LDB3: variants seen among roughly 807,000 people sequenced by gnomAD.
LDB3 encodes the protein LIM domain binding 3, also known as LIM domain-binding protein 3.
LDB3 carries 49 observed loss-of-function variants against 69.0 expected under a neutral mutation model. The ratio of observed to expected loss-of-function variants is 0.71; its 90% CI spans 0.56 to 0.90. The LOEUF (loss-of-function observed/expected upper bound fraction) is 0.90. LDB3 is among the 40% of genes least tolerant of loss of function. The probability of loss-of-function intolerance (pLI) is 0.00; values close to 1 mark genes in which losing one functional copy is unlikely to be tolerated. For synonymous variants in LDB3, 387 were observed against 396.2 expected (o/e 0.98, Z 0.28); for missense variants, 928 against 974.1 (o/e 0.95, Z 0.63).
At chr10:86,718,971 A>G (rs1418918516) in intron 12 of LDB3, 124 bp downstream of exon 12, 2 of 1,280,816 alleles carry the variant, frequency 1.6e-6, no homozygotes, top group Admixed American at 2.6e-5. Context: ...TTTCTGGAAG[A>G]AACCTTTGTT....
intron 8 of LDB3, among the ~76,000 whole-genome samples, chr10:86,707,762 G>A (rs1241864080): frequency 2.0e-5 from 3 of 152,136 alleles, no homozygotes; most frequent in Non-Finnish European, 2.9e-5. Flanking sequence ...CCCCCATCCC[G>A]GGCTTCACAT....
chr10:86,725,107 T>C (rs1453874331), intron 12 of LDB3, among the ~76,000 whole-genome samples: 1 of 152,248 alleles, frequency 6.6e-6, no homozygotes, highest in Non-Finnish European at 1.5e-5. Flanking sequence ...GGAAGAGTTA[T>C]GGAGGAATGC....
rs1349848176 is a variant in LDB3 at position 86,706,580 on chromosome 10, C to A, written c.946C>A (p.Leu316Met). The A allele has an allele frequency of 1.2e-6, 2 of 1,613,080 alleles. No homozygotes were observed. Among genetic ancestry groups the A allele is most frequent in the African/African-American group, 1.3e-5 (1 of 74,936 alleles). The change falls in exon 8 of 14, where the codon CTG (leucine) becomes ATG (methionine). Residue 316 changes from leucine (L) to methionine (M), a missense_variant. Coordinates refer to ENST00000361373, the MANE Select transcript of LDB3 (RefSeq NM_007078.3). ...GTGCACCAGCCAGGCCACCACCCCG[C>A]TGCTGCCCGCTTCTGCCCAGCCACC... ...PVCTSQATTPLLPASAQPPAA... is the reference protein window; with the variant it reads ...PVCTSQATTPMLPASAQPPAA...
chr10:86,691,616 G>A (rs1337155088), intron 5 of LDB3, among the ~76,000 whole-genome samples: 2 of 152,150 alleles, frequency 1.3e-5, no homozygotes, highest in South Asian at 2.1e-4. Context: ...GGGTGGAAAT[G>A]TCTCCGGCCT....
At chr10:86,668,442 T>C, upstream of LDB3, 2 of 573,964 alleles carry the variant, frequency 3.5e-6, no homozygotes, top group Non-Finnish European at 6.4e-6. Flanking sequence ...AGGCACAGTG[T>C]AGGGTTACAG....
Position 86,687,088 on chromosome 10 carries a change from T to A in LDB3, c.690-4808T>A, listed in dbSNP as rs1845520743. The A allele has an allele frequency of 3.7e-6, 6 of 1,614,042 alleles. No individual in the cohort carries two copies. The highest frequency in any genetic ancestry group is 5.1e-6 in the Non-Finnish European group (6 of 1,179,974). ...CCCCAGCGCCGACTACCAGGAACGC[T>A]TCAACCCCAGTGCCCTGAAGGACTC... On this transcript the variant is annotated intron_variant, in intron 5 of 13. Transcript: ENST00000361373.
chr10:86,691,770 G>T lies in LDB3; in HGVS notation c.690-126G>T, dbSNP rs1845773281. 3 of 1,084,346 alleles carry T rather than the reference G, an allele frequency of 2.8e-6. No homozygotes were observed. The Admixed American group carries it at 5.1e-5, about 18-fold the overall frequency. The allele number at this position is 1,084,346 out of a possible 1,614,324, so 67.2% of individuals were successfully genotyped here. ...TGCCCATATCTCAGGTTCTCAGACA[G>T]CAATGGATAAAGGCAAGGTGGGGAC... On this transcript the variant is annotated intron_variant, in intron 5 of 13. Coordinates refer to ENST00000361373, the MANE Select transcript of LDB3 (RefSeq NM_007078.3).
chr10:86,724,705 A>G (rs750300901), intron 12 of LDB3, among the ~76,000 whole-genome samples: 2 of 152,184 alleles, frequency 1.3e-5, no homozygotes, highest in Non-Finnish European at 2.9e-5. Flanking sequence ...AGGATTAAAC[A>G]GGAGGCATAA....
chr10:86,692,947 T>C (rs1344067120), intron 7 of LDB3, among the ~76,000 whole-genome samples: 2 of 152,222 alleles, frequency 1.3e-5, no homozygotes, highest in African/African-American at 4.8e-5. Flanking sequence ...TGTCCCCCTA[T>C]GATTCCGAAG....
intron 2 of LDB3, among the ~76,000 whole-genome samples, chr10:86,669,599 C>G (rs10887640): frequency 0.18 from 27,187 of 152,204 alleles, 2,696 homozygotes; most frequent in East Asian, 0.43. Flanking sequence ...GATGGGGGAA[C>G]AGCCCCCAGA....
intron 5 of LDB3, among the ~76,000 whole-genome samples, chr10:86,688,801 CACTA>C (rs1357354947): frequency 1.3e-5 from 2 of 152,176 alleles, no homozygotes; most frequent in Non-Finnish European, 2.9e-5. Context: ...AAATGCTCTT[CACTA>C]ACTTTCTGTT....
chr10:86,699,304 G>T lies in LDB3; in HGVS notation c.896+6733G>T, dbSNP rs1846153128. The T allele has an allele frequency of 6.2e-7, 1 of 1,613,338 alleles. No individual in the cohort carries two copies. Among genetic ancestry groups the T allele is most frequent in the South Asian group, 1.1e-5 (1 of 91,048 alleles). ...GAAAGGTTTGAAACGGAACGTAACA[G>T]CCCACGTTTTGCCAAATTGCGCAAC... On this transcript the variant is annotated intron_variant, in intron 7 of 13. Transcript: ENST00000361373. This position sits in a 1 kb window ranked among gnomAD's most constrained non-coding sequence, Gnocchi z 4.9.
intron 2 of LDB3, among the ~76,000 whole-genome samples, chr10:86,676,136 G>C (rs530854376): frequency 6.6e-6 from 1 of 152,380 alleles, no homozygotes; most frequent in South Asian, 2.1e-4. Flanking sequence ...TGGAGGGCAA[G>C]CTGGACTTTG....
At chr10:86,702,468 C>G (rs182360295) in intron 7 of LDB3, among the ~76,000 whole-genome samples, 1 of 152,234 alleles carries the variant, frequency 6.6e-6, no homozygotes, top group East Asian at 1.9e-4. Flanking sequence ...GCTGACCAGA[C>G]TGAGGGAAGA....
intron 8 of LDB3, among the ~76,000 whole-genome samples, 165 bp downstream of exon 8, chr10:86,706,884 G>A (rs1846465616): frequency 6.6e-6 from 1 of 152,178 alleles, no homozygotes; most frequent in South Asian, 2.1e-4. Flanking sequence ...GGGAAACTGA[G>A]GGTGAATTAC....
intron 2 of LDB3, among the ~76,000 whole-genome samples, chr10:86,669,768 C>T (rs79816391): frequency 0.02 from 3,008 of 152,332 alleles, 113 homozygotes; most frequent in African/African-American, 0.068. Context: ...CGTGCTGTTC[C>T]GGGCACAAGG....
At chr10:86,713,864 C>T (rs750736819) in intron 9 of LDB3, among the ~76,000 whole-genome samples, 3 of 152,206 alleles carry the variant, frequency 2.0e-5, no homozygotes, top group African/African-American at 4.8e-5. Flanking sequence ...ATTCCACCAC[C>T]ACTGAATAGA....
intron 7 of LDB3, among the ~76,000 whole-genome samples, chr10:86,703,519 C>A (rs115665252): frequency 0.023 from 3,506 of 152,308 alleles, 62 homozygotes; most frequent in South Asian, 0.077. Flanking sequence ...ACTGCTCTTG[C>A]CCATCCCAAA....
At chr10:86,679,236 A>T in intron 2 of LDB3, 131 bp from the exon 3 acceptor site, 2 of 1,088,120 alleles carry the variant, frequency 1.8e-6, no homozygotes, top group Admixed American at 1.8e-5. Flanking sequence ...AGCAGCTGGT[A>T]CTGGCCGTAG....
Sources: allele counts gnomAD v4.1 joint callset (sites outside exome capture counted in the v4.1 genomes callset), GRCh38; gene constraint gnomAD v4.1.1; non-coding constraint Gnocchi (gnomAD v3.1); transcripts MANE v1.5; gene names NCBI Gene and HGNC (gene_info 2026-07-23, HGNC 2026-07-21).